The following LIMCH1 variants were observed in gnomAD, a reference collection of about 807,000 sequenced individuals.
The protein encoded by LIMCH1 is LIM and calponin homology domains 1, also known as LIM and calponin homology domains-containing protein 1.
Under a neutral mutation model 176.5 loss-of-function variants are expected in LIMCH1, and 113 were observed. That is an observed-to-expected ratio of 0.64 (90% CI 0.55 to 0.75). The LOEUF is 0.75. Ranked by LOEUF, LIMCH1 falls within the 30% of genes least tolerant of loss-of-function variation. LIMCH1 has a pLI of 0.00. For missense variants in LIMCH1, 1,674 were observed against 1,814.9 expected, an observed-to-expected ratio of 0.92 and a Z score of 1.41; for synonymous variants, 619 against 645.9, an observed-to-expected ratio of 0.96 and a Z score of 0.63.
chr4:41,699,266 C>T lies in LIMCH1; in HGVS notation c.*2081C>T, dbSNP rs1732187966. On this transcript the variant is annotated 3_prime_UTR_variant, in exon 32 of 32. Coordinates refer to ENST00000503057, the MANE Select transcript of LIMCH1 (RefSeq NM_001330672.2). The stretch of plus-strand genomic sequence containing the variant: ...CACATTCCCTTCTGGTTTCACAAAC[C>T]CATTTATACATATTTCTTAGTGAGG... The T allele has an allele frequency of 6.6e-6, 1 of 152,020 alleles. No individual in the cohort carries two copies. Among genetic ancestry groups the T allele is most frequent in the Non-Finnish European group, 1.5e-5 (1 of 68,016 alleles). The allele number at this position is 152,020 out of a possible 1,614,324, so 9.4% of individuals were successfully genotyped here.
At chr4:41,480,915 A>G (rs1185836815) in intron 1 of LIMCH1, among the ~76,000 whole-genome samples, 1 of 152,138 alleles carries the variant, frequency 6.6e-6, no homozygotes, top group Non-Finnish European at 1.5e-5. Context: ...AGCCACTCGC[A>G]TGTCTCCGGA....
At chr4:41,479,236 A>G (rs1582869395) in intron 1 of LIMCH1, among the ~76,000 whole-genome samples, 1 of 152,306 alleles carries the variant, frequency 6.6e-6, no homozygotes, top group East Asian at 1.9e-4. Flanking sequence ...TCCTTTATAT[A>G]ACCACCATGC....
chr4:41,590,215 C>A (rs889059168), intron 1 of LIMCH1, among the ~76,000 whole-genome samples: 1 of 152,090 alleles, frequency 6.6e-6, no homozygotes, highest in African/African-American at 2.4e-5. Context: ...ATCTCAGCCT[C>A]CCGAGTAGTT....
At chr4:41,540,230 T>C (rs1252927374) in intron 1 of LIMCH1, among the ~76,000 whole-genome samples, 1 of 152,308 alleles carries the variant, frequency 6.6e-6, no homozygotes, top group East Asian at 1.9e-4. Context: ...TCTAGATTTT[T>C]TTTTCTTGTC....
intron 3 of LIMCH1, among the ~76,000 whole-genome samples, chr4:41,525,187 G>A (rs1561632259): frequency 6.6e-6 from 1 of 152,216 alleles, no homozygotes. Context: ...AGATGAGGAA[G>A]ACAATCAAAT....
At chr4:41,440,176 A>G (rs2062554537) in intron 1 of LIMCH1, among the ~76,000 whole-genome samples, 1 of 152,232 alleles carries the variant, frequency 6.6e-6, no homozygotes, top group Non-Finnish European at 1.5e-5. Flanking sequence ...TATAATTAAC[A>G]AGTTTAACAA....
intron 1 of LIMCH1, among the ~76,000 whole-genome samples, chr4:41,388,959 T>A (rs1296856384): frequency 2.0e-5 from 3 of 152,336 alleles, no homozygotes; most frequent in Non-Finnish European, 2.9e-5. Context: ...GCTGTTTTTT[T>A]AAACATAATG....
chr4:41,575,572 G>A (rs2084327128), intron 1 of LIMCH1, among the ~76,000 whole-genome samples: 1 of 152,212 alleles, frequency 6.6e-6, no homozygotes, highest in South Asian at 2.1e-4. Context: ...TTATATGATT[G>A]TATATAAAGC....
At chr4:41,408,921 A>C (rs1437643692) in intron 1 of LIMCH1, among the ~76,000 whole-genome samples, 1 of 152,222 alleles carries the variant, frequency 6.6e-6, no homozygotes, top group East Asian at 1.9e-4. Flanking sequence ...AGCGATGATC[A>C]GCAATTTAGT....
intron 2 of LIMCH1, among the ~76,000 whole-genome samples, chr4:41,508,834 A>T (rs56856655): frequency 2.0e-5 from 3 of 152,220 alleles, no homozygotes; most frequent in African/African-American, 7.2e-5. Context: ...TGCTTGCAGA[A>T]GGAAGGACTG....
chr4:41,606,050 G>T, intron 4 of LIMCH1, 46 bp downstream of exon 4: 1 of 1,342,140 alleles, frequency 7.5e-7, no homozygotes, highest in South Asian at 1.2e-5. Flanking sequence ...AGACAAGGTG[G>T]GAAAGCTACA....
intron 1 of LIMCH1, among the ~76,000 whole-genome samples, chr4:41,448,124 A>G (rs1299715663): frequency 6.6e-6 from 1 of 152,234 alleles, no homozygotes; most frequent in Non-Finnish European, 1.5e-5. Context: ...GAAATGGAGT[A>G]GAAAATGCAG....
At chr4:41,486,649 C>T (rs1199075159) in intron 1 of LIMCH1, among the ~76,000 whole-genome samples, 3 of 152,076 alleles carry the variant, frequency 2.0e-5, no homozygotes, top group Non-Finnish European at 2.9e-5. Context: ...GTTTAGTATA[C>T]GAGGTGAGGG....
chr4:41,494,543 C>T (rs1405178643), exon 2 of LIMCH1: 1 of 1,611,102 alleles, frequency 6.2e-7, no homozygotes, highest in African/African-American at 1.3e-5. Context: ...CAGCAAGTAA[C>T]TGGCAGAAGT....
chr4:41,483,359 A>G (rs368771798), intron 1 of LIMCH1, among the ~76,000 whole-genome samples: 34 of 152,092 alleles, frequency 2.2e-4, no homozygotes, highest in African/African-American at 7.5e-4. Flanking sequence ...TCTCATTGCA[A>G]TTCCAACCAT....
At chr4:41,502,907 TCACACACACACACACA>T (rs71650929) in intron 2 of LIMCH1, among the ~76,000 whole-genome samples, 1 of 142,124 alleles carries the variant, frequency 7.0e-6, no homozygotes, top group African/African-American at 2.6e-5. Flanking sequence ...CGGAGGTAAA[TCACACACACACACACA>T]CACACACACA....
At chr4:41,680,129 T>C in intron 24 of LIMCH1, 31 bp downstream of exon 24, 1 of 1,448,860 alleles carries the variant, frequency 6.9e-7, no homozygotes, top group East Asian at 2.3e-5. Flanking sequence ...AATTTGACCT[T>C]GTCATCCCAA....
At chr4:41,499,834 T>C (rs934757309) in intron 2 of LIMCH1, among the ~76,000 whole-genome samples, 3 of 151,920 alleles carry the variant, frequency 2.0e-5, no homozygotes, top group African/African-American at 7.3e-5. Flanking sequence ...AAAAAAAAAA[T>C]CTAAGATCTA....
chr4:41,442,860 T>C (rs189157760), intron 1 of LIMCH1, among the ~76,000 whole-genome samples: 216 of 152,272 alleles, frequency 1.4e-3, no homozygotes, highest in Middle Eastern at 0.01. Context: ...AAACAATAAT[T>C]GCTGGAAAAC....
Sources: gnomAD v4.1 joint callset for allele counts (sites outside exome capture counted in the v4.1 genomes callset) on GRCh38, gnomAD v4.1.1 for gene constraint, MANE v1.5 for transcripts, NCBI Gene and HGNC (gene_info 2026-07-23, HGNC 2026-07-21) for gene names.